The following LRGUK variants were observed in gnomAD, a reference collection of about 807,000 sequenced individuals.
LRGUK encodes the protein leucine-rich repeat and guanylate kinase domain-containing protein.
In LRGUK, 65 loss-of-function variants were observed where a neutral mutation model predicts 76.0. The ratio of observed to expected loss-of-function variants is 0.85; its 90% CI spans 0.70 to 1.05. The LOEUF is 1.05. LRGUK is among the 50% of genes least tolerant of loss of function. LRGUK has a pLI of 0.00. For missense variants in LRGUK, 758 were observed against 732.8 expected, an observed-to-expected ratio of 1.03 and a Z score of -0.40; for synonymous variants, 268 against 265.6, an observed-to-expected ratio of 1.01 and a Z score of -0.09.
At chr7:134,196,876 G>T in intron 12 of LRGUK, 116 bp from the exon 13 acceptor site, 1 of 562,084 alleles carries the variant, frequency 1.8e-6, no homozygotes, top group South Asian at 2.8e-5. Flanking sequence ...TTATATAGTT[G>T]CTAAAATTTG....
chr7:134,172,944 A>C (rs1479398652), intron 7 of LRGUK, among the ~76,000 whole-genome samples: 2 of 152,110 alleles, frequency 1.3e-5, no homozygotes, highest in African/African-American at 4.8e-5. Context: ...CCATGATCAT[A>C]CTACTGCACC....
chr7:134,253,624 G>A (rs1802499492), intron 18 of LRGUK, among the ~76,000 whole-genome samples: 1 of 152,126 alleles, frequency 6.6e-6, no homozygotes, highest in Admixed American at 6.5e-5. Flanking sequence ...AGACCAGCCT[G>A]GCCAACATGG....
chr7:134,241,195 C>T (rs1001809387), intron 16 of LRGUK, among the ~76,000 whole-genome samples: 10 of 152,268 alleles, frequency 6.6e-5, no homozygotes, highest in African/African-American at 1.9e-4. Context: ...CAAATTCACA[C>T]GTAACAATAT....
At chr7:134,186,699 G>A (rs944175747) in intron 11 of LRGUK, among the ~76,000 whole-genome samples, 2 of 152,224 alleles carry the variant, frequency 1.3e-5, no homozygotes, top group South Asian at 4.1e-4. Flanking sequence ...GCTAGTCCCT[G>A]AGGGTAGAGC....
At chr7:134,218,213 C>T (rs756806813) in intron 15 of LRGUK, among the ~76,000 whole-genome samples, 4 of 152,150 alleles carry the variant, frequency 2.6e-5, no homozygotes, top group Non-Finnish European at 2.9e-5. Context: ...ACGCCTGCCT[C>T]GGCCTCCCAA....
rs184508015 is a variant in LRGUK at position 134,158,810 on chromosome 7, G to A, written c.795+651G>A. On this transcript the variant is annotated intron_variant, in intron 6 of 15. Transcript: ENST00000645682. ...TCTAATAGTCCCAAAGATATACACA[G>A]TATTTTTGAAATAACAGGATAGCTC... Among the ~76,000 whole-genome samples, 150 of 152,298 alleles carry A rather than the reference G, an allele frequency of 9.8e-4. 1 individual carries two copies. Among genetic ancestry groups the A allele is most frequent in the Middle Eastern group, 6.8e-3 (2 of 294 alleles).
At chr7:134,231,515 C>T (rs1385379413) in intron 16 of LRGUK, among the ~76,000 whole-genome samples, 1 of 149,882 alleles carries the variant, frequency 6.7e-6, no homozygotes, top group Non-Finnish European at 1.5e-5. Context: ...TTCCTTCCTT[C>T]CTCCCTTCCT....
At chr7:134,271,048 T>C in the LRGUK span, among the ~76,000 whole-genome samples, 1 of 152,052 alleles carries the variant, frequency 6.6e-6, no homozygotes, top group Non-Finnish European at 1.5e-5. Context: ...TTAGTTTGAA[T>C]TTCTCCAATT....
intron 18 of LRGUK, among the ~76,000 whole-genome samples, chr7:134,256,013 G>A (rs936540521): frequency 2.0e-5 from 3 of 152,088 alleles, no homozygotes; most frequent in African/African-American, 7.2e-5. Flanking sequence ...CAAGCCCCCT[G>A]TCGCCTGTGT....
chr7:134,247,729 A>G (rs1283949896), intron 17 of LRGUK, 85 bp downstream of exon 17: 1 of 1,048,714 alleles, frequency 9.5e-7, no homozygotes, highest in Non-Finnish European at 1.4e-6. Flanking sequence ...GAACATAAAC[A>G]GAGACCTCTG....
Position 134,240,483 on chromosome 7 carries a change from CGAGAA to C in LRGUK, c.1984-7066_1984-7062del, listed in dbSNP as rs553485954. ...TGAAAATCAAATGAGTGAAATGAAG[CGAGAA>C]GAGAAGTTTAGAGAAAAAAGAGTAA... On this transcript the variant is annotated intron_variant, in intron 16 of 19. Transcript: ENST00000285928. Among the ~76,000 whole-genome samples the C allele has an allele frequency of 4.5e-4, 68 of 152,028 alleles. No individual in the cohort carries two copies. In the East Asian group the frequency reaches 0.012, roughly 27 times the overall value.
chr7:134,164,611 C>T (rs17167560), intron 7 of LRGUK, among the ~76,000 whole-genome samples: 1 of 152,030 alleles, frequency 6.6e-6, no homozygotes, highest in Non-Finnish European at 1.5e-5. Flanking sequence ...TAAGGAAGTT[C>T]AATGTTTATT....
chr7:134,154,139 G>C (rs1037691040), intron 5 of LRGUK, among the ~76,000 whole-genome samples: 2 of 152,218 alleles, frequency 1.3e-5, no homozygotes, highest in Non-Finnish European at 2.9e-5. Context: ...AATCATAAAA[G>C]TTTAGAGCTG....
chr7:134,216,983 C>A (rs1801450264), intron 15 of LRGUK, among the ~76,000 whole-genome samples: 1 of 152,114 alleles, frequency 6.6e-6, no homozygotes. Flanking sequence ...GAAAGGAAAT[C>A]TTTAGCGTAT....
chr7:134,251,246 G>C (rs1165785081), intron 18 of LRGUK, among the ~76,000 whole-genome samples: 1 of 152,154 alleles, frequency 6.6e-6, no homozygotes, highest in Admixed American at 6.5e-5. Context: ...CAATAAGGCT[G>C]TCCTTGTAAA....
chr7:134,151,005 A>G (rs1037871208), intron 5 of LRGUK, among the ~76,000 whole-genome samples: 2 of 152,160 alleles, frequency 1.3e-5, no homozygotes, highest in African/African-American at 4.8e-5. Flanking sequence ...TCAACTATTA[A>G]TGAAATAAAC....
At chr7:134,184,882 C>T (rs549508552) in intron 11 of LRGUK, among the ~76,000 whole-genome samples, 38 of 152,358 alleles carry the variant, frequency 2.5e-4, no homozygotes, top group Non-Finnish European at 4.7e-4. Flanking sequence ...GCAGGCTTCT[C>T]CTGTTGCCTT....
chr7:134,208,919 C>T (rs1801120424), exon 16 of LRGUK: 3 of 399,124 alleles, frequency 7.5e-6, no homozygotes, highest in Non-Finnish European at 1.3e-5. Context: ...AGAGCTTTCT[C>T]CTGACAGCCA....
intron 4 of LRGUK, among the ~76,000 whole-genome samples, chr7:134,145,195 T>C (rs916711242): frequency 6.6e-6 from 1 of 152,182 alleles, no homozygotes; most frequent in African/African-American, 2.4e-5. Context: ...GTGAGCTCTG[T>C]GTAGACCTGG....
Sources: allele counts gnomAD v4.1 joint callset (sites outside exome capture counted in the v4.1 genomes callset), GRCh38; gene constraint gnomAD v4.1.1; transcripts MANE v1.5; gene names NCBI Gene and HGNC (gene_info 2026-07-23, HGNC 2026-07-21).